The following ADAMTSL1 variants were observed in gnomAD, a reference collection of about 807,000 sequenced individuals.
The protein encoded by ADAMTSL1 is ADAMTS like 1.
Under a neutral mutation model 201.8 loss-of-function variants are expected in ADAMTSL1, and 126 were observed. The observed-to-expected ratio is 0.62, with a 90% confidence interval of 0.54 to 0.72. ADAMTSL1 has a LOEUF of 0.72. ADAMTSL1 is among the 30% of genes least tolerant of loss of function. ADAMTSL1 has a pLI of 0.00. For synonymous variants in ADAMTSL1, 1,121 were observed against 903.4 expected (o/e 1.24, Z -4.32); for missense variants, 2,679 against 2,277.8 (o/e 1.18, Z -3.59).
intron 4 of ADAMTSL1, among the ~76,000 whole-genome samples, chr9:18,612,903 G>T (rs1191601753): frequency 1.3e-5 from 2 of 152,142 alleles, no homozygotes; most frequent in Admixed American, 6.5e-5. Flanking sequence ...CACAGCGAAA[G>T]AAACTATCAT....
At chr9:18,199,982 C>G (rs1829367874) in intron 2 of ADAMTSL1, among the ~76,000 whole-genome samples, 1 of 151,842 alleles carries the variant, frequency 6.6e-6, no homozygotes, top group Non-Finnish European at 1.5e-5. Context: ...TATAGCTTGT[C>G]TGATTATAAT....
chr9:17,915,082 T>C (rs1471468621), intron 1 of ADAMTSL1, among the ~76,000 whole-genome samples: 1 of 152,174 alleles, frequency 6.6e-6, no homozygotes, highest in Non-Finnish European at 1.5e-5. Context: ...ATACTGCACA[T>C]GTTTAAAGTA....
intron 1 of ADAMTSL1, among the ~76,000 whole-genome samples, chr9:17,947,654 C>A (rs1027323063): frequency 3.3e-5 from 5 of 152,084 alleles, no homozygotes; most frequent in African/African-American, 1.2e-4. Flanking sequence ...AGTGAATGAG[C>A]AAGCAAATGA....
chr9:18,371,158 A>G (rs1837026914), intron 2 of ADAMTSL1, among the ~76,000 whole-genome samples: 1 of 152,186 alleles, frequency 6.6e-6, no homozygotes, highest in South Asian at 2.1e-4. Context: ...TAATACTTAT[A>G]CAATTTTTAT....
intron 3 of ADAMTSL1, among the ~76,000 whole-genome samples, chr9:18,536,932 T>C (rs1230120401): frequency 6.6e-6 from 1 of 152,058 alleles, no homozygotes; most frequent in Non-Finnish European, 1.5e-5. Context: ...AAACTGTTTT[T>C]TTTGCACTAT....
chr9:18,180,977 C>T (rs547458778), intron 2 of ADAMTSL1, among the ~76,000 whole-genome samples: 3,424 of 152,096 alleles, frequency 0.023, 147 homozygotes, highest in African/African-American at 0.079. Context: ...TCAGAAATAA[C>T]ACCGCATATC....
intron 3 of ADAMTSL1, among the ~76,000 whole-genome samples, chr9:18,549,916 C>T (rs1430290280): frequency 1.3e-5 from 2 of 151,960 alleles, no homozygotes; most frequent in African/African-American, 4.8e-5. Flanking sequence ...CCTGCAGAAT[C>T]AAAATCTTCA....
chr9:18,887,414 T>G (rs962071402), intron 23 of ADAMTSL1, among the ~76,000 whole-genome samples: 1 of 152,234 alleles, frequency 6.6e-6, no homozygotes. Context: ...AAATCAAGTT[T>G]GTTTCTTAAC....
intron 1 of ADAMTSL1, among the ~76,000 whole-genome samples, chr9:18,043,218 T>TG (rs1821506855): frequency 6.6e-6 from 1 of 152,040 alleles, no homozygotes. Context: ...TCTGTGTGTG[T>TG]TTTTTGGAGC....
In ADAMTSL1 at chr9:18,906,719, AGAGGCCTGCAGTGTACACTG is replaced by A; in HGVS notation, c.4993_5012del (p.Ala1665SerfsTer34). 6.2e-7 allele frequency: 1 copy of A among 1,608,756 alleles called. No homozygotes were observed. On this transcript the variant is annotated frameshift_variant, in exon 28 of 29. Coordinates refer to ENST00000380548, the MANE Select transcript of ADAMTSL1 (RefSeq NM_001040272.6). LOFTEE classifies it high-confidence loss of function. ...CTGTGAGCACCCAGAACTGCTGGTC[AGAGGCCTGCAGTGTACACTG>A]GAGAGTCAGCCTGTGGACCCTGTGC...
chr9:18,796,771 A>G (rs1407140949), intron 20 of ADAMTSL1: 1 of 152,212 alleles, frequency 6.6e-6, no homozygotes, highest in Non-Finnish European at 1.5e-5. Flanking sequence ...AATGTATTCC[A>G]GTTGCAATCT....
intron 9 of ADAMTSL1, among the ~76,000 whole-genome samples, chr9:18,674,281 AAT>A (rs1830010719): frequency 6.6e-6 from 1 of 152,014 alleles, no homozygotes; most frequent in Non-Finnish European, 1.5e-5. Context: ...TATTTACACA[AAT>A]AAATACAGAA....
chr9:18,185,411 C>G (rs1301653632), intron 2 of ADAMTSL1, among the ~76,000 whole-genome samples: 1 of 152,060 alleles, frequency 6.6e-6, no homozygotes, highest in South Asian at 2.1e-4. Context: ...GAACCCAGCC[C>G]TTTCTGACAC....
rs150638632 is a variant in ADAMTSL1, at chr9:18,331,017, A to G, written c.207+167036A>G. ...TGAAGTAATTCAGCCTCAATTGGGT[A>G]TGGCATAGTCAGGGCATATTTCACG... On this transcript the variant is annotated intron_variant, in intron 2 of 29. Coordinates refer to the ADAMTSL1 transcript ENST00000680146. Among the ~76,000 whole-genome samples, 5 of 152,296 alleles carry G rather than the reference A, an allele frequency of 3.3e-5. No homozygotes were observed. In the East Asian group the frequency reaches 9.7e-4, roughly 29 times the overall value.
At chr9:18,829,733 A>G (rs1024244580) in intron 22 of ADAMTSL1, 110 bp from the exon 23 acceptor site, 1 of 1,403,708 alleles carries the variant, frequency 7.1e-7, no homozygotes, top group African/African-American at 1.4e-5. Context: ...AGTAATGCCT[A>G]TCTTACATAT....
At chr9:18,011,104 A>G (rs886426853) in intron 1 of ADAMTSL1, among the ~76,000 whole-genome samples, 2 of 152,022 alleles carry the variant, frequency 1.3e-5, no homozygotes, top group East Asian at 1.9e-4. Context: ...AAACCTCAGA[A>G]AATGACATGA....
chr9:18,851,273 G>A (rs143779605), intron 23 of ADAMTSL1, among the ~76,000 whole-genome samples: 1 of 152,242 alleles, frequency 6.6e-6, no homozygotes, highest in Non-Finnish European at 1.5e-5. Context: ...AAGCAATGGT[G>A]AGAAAGCAGT....
Position 18,741,771 on chromosome 9 carries a change from C to T in ADAMTSL1, c.2007-11527C>T, listed in dbSNP as rs60909565. Among the ~76,000 whole-genome samples the T allele has an allele frequency of 1.7e-3, 263 of 152,318 alleles. 1 individual carries two copies. Among genetic ancestry groups the T allele is most frequent in the African/African-American group, 6.2e-3 (256 of 41,570 alleles). ...CATCTGTCAGCCTGTGAATGTGTCC[C>T]TCTAATCCTCCTTTGCATGGCTATC... On this transcript the variant is annotated intron_variant, in intron 15 of 28. Coordinates refer to ENST00000380548, the MANE Select transcript of ADAMTSL1 (RefSeq NM_001040272.6).
intron 1 of ADAMTSL1, among the ~76,000 whole-genome samples, chr9:18,129,551 C>A (rs1825865935): frequency 6.6e-6 from 1 of 151,772 alleles, no homozygotes; most frequent in South Asian, 2.1e-4. Flanking sequence ...TCTGTTAATT[C>A]TGTCAATTCA....
Sources: gnomAD v4.1 joint callset for allele counts (sites outside exome capture counted in the v4.1 genomes callset) on GRCh38, gnomAD v4.1.1 for gene constraint, MANE v1.5 for transcripts, NCBI Gene and HGNC (gene_info 2026-07-23, HGNC 2026-07-21) for gene names.